The following RNF138 variants were observed in gnomAD, a reference collection of about 807,000 sequenced individuals.
RNF138 encodes the protein E3 ubiquitin-protein ligase RNF138.
A neutral mutation model predicts 31.0 loss-of-function variants in RNF138; 12 were observed. The observed-to-expected ratio is 0.39, with a 90% CI of 0.25 to 0.63. The LOEUF (loss-of-function observed/expected upper bound fraction) is 0.63. Ranked by LOEUF, RNF138 falls within the 20% of genes least tolerant of loss-of-function variation. The pLI is 0.52. For missense variants in RNF138, 192 were observed against 300.1 expected, an observed-to-expected ratio of 0.64 and a Z score of 2.66; for synonymous variants, 105 against 99.5, an observed-to-expected ratio of 1.06 and a Z score of -0.33.
Position 32,129,189 on chromosome 18 carries a change from G to A in RNF138, c.*2G>A, listed in dbSNP as rs776679074. 2.5e-6 allele frequency: 4 copies of A among 1,607,236 alleles called. No individual in the cohort carries two copies. The Admixed American group carries it at 5.0e-5, about 20-fold the overall frequency. The stretch of plus-strand genomic sequence containing the variant: ...GAATCTTTTCAAGTAAACATCTGAA[G>A]GCTGTAGACATCTCTGCATCTTTGT... On this transcript the variant is annotated 3_prime_UTR_variant, in exon 8 of 8. Coordinates refer to ENST00000261593, the MANE Select transcript of RNF138 (RefSeq NM_016271.5).
intron 2 of RNF138, among the ~76,000 whole-genome samples, chr18:32,094,274 C>T (rs1430707816): frequency 6.6e-6 from 1 of 151,682 alleles, no homozygotes; most frequent in African/African-American, 2.4e-5. Context: ...TTCTTAATTG[C>T]AAATGCCCTT....
intron 2 of RNF138, among the ~76,000 whole-genome samples, chr18:32,107,683 G>T (rs1178778087): frequency 6.6e-6 from 1 of 151,092 alleles, no homozygotes; most frequent in Non-Finnish European, 1.5e-5. Context: ...ACCATGCCTG[G>T]CTAATTTTTT....
At position 32,129,164 on chromosome 18, in the gene RNF138, G is replaced by C. The variant is rs771064744; in HGVS notation, c.715G>C (p.Glu239Gln). The C allele has an allele frequency of 3.1e-6, 5 of 1,612,188 alleles. No homozygotes were observed. The African/African-American group carries it at 5.3e-5, about 17-fold the overall frequency. Residue 239 changes from glutamate (E) to glutamine (Q), a missense_variant, in exon 8 of 8, where the codon GAA (glutamate) becomes CAA (glutamine). Physicochemically the swap from Glu to Gln is conservative, Grantham distance 29 (BLOSUM62 2). Around this residue, in one of 2 missense-constraint regions of RNF138, gnomAD observed 140 missense variants for 251.7 expected, o/e 0.56. Coordinates refer to ENST00000261593, the MANE Select transcript of RNF138 (RefSeq NM_016271.5). ...EETQYQTAVE[E>Q]SFQVNI is the part of the protein sequence containing the mutation. ...AACCCAATACCAAACTGCTGTTGAA[G>C]AATCTTTTCAAGTAAACATCTGAAG... is the stretch of plus-strand genomic sequence containing the variant.
chr18:32,110,197 T>G (rs146852116), intron 2 of RNF138, among the ~76,000 whole-genome samples: 2 of 152,290 alleles, frequency 1.3e-5, no homozygotes, highest in East Asian at 3.9e-4. Context: ...CTTGCTATGT[T>G]GCCCAGGCTG....
chr18:32,122,162 C>G (rs541650790), intron 4 of RNF138, among the ~76,000 whole-genome samples: 6 of 152,138 alleles, frequency 3.9e-5, no homozygotes, highest in African/African-American at 1.4e-4. Context: ...CCACTGTGCC[C>G]GGCCTGGGTT....
chr18:32,116,990 C>G (rs1160638458), intron 4 of RNF138, among the ~76,000 whole-genome samples: 2 of 152,190 alleles, frequency 1.3e-5, no homozygotes, highest in Non-Finnish European at 2.9e-5. Flanking sequence ...CAACATCGAC[C>G]TCCCAGGTTC....
chr18:32,110,884 C>G (rs2040116783), intron 2 of RNF138, among the ~76,000 whole-genome samples: 1 of 151,916 alleles, frequency 6.6e-6, no homozygotes, highest in Admixed American at 6.6e-5. Context: ...GGGTTCATGC[C>G]ATTCTCCTGC....
chr18:32,126,238 A>G (rs1226968993), intron 6 of RNF138, among the ~76,000 whole-genome samples: 1 of 152,240 alleles, frequency 6.6e-6, no homozygotes, highest in African/African-American at 2.4e-5. Flanking sequence ...TAGTTTTAAG[A>G]AAAGAAAAGA....
At chr18:32,112,759 A>G (rs1338579108) in intron 3 of RNF138, among the ~76,000 whole-genome samples, 1 of 152,216 alleles carries the variant, frequency 6.6e-6, no homozygotes, top group East Asian at 1.9e-4. Context: ...GGTGTTAACA[A>G]ATAACCAGCA....
intron 2 of RNF138, among the ~76,000 whole-genome samples, chr18:32,102,012 G>A (rs1385774851): frequency 1.3e-5 from 2 of 150,970 alleles, no homozygotes; most frequent in African/African-American, 2.4e-5. Flanking sequence ...AAGTAGCTGG[G>A]ACTACAGGCG....
intron 2 of RNF138, among the ~76,000 whole-genome samples, chr18:32,105,515 A>G (rs2040014373): frequency 6.6e-6 from 1 of 152,238 alleles, no homozygotes; most frequent in African/African-American, 2.4e-5. Flanking sequence ...GAATGAGGAA[A>G]AGGTGGCTTT....
intron 3 of RNF138, among the ~76,000 whole-genome samples, chr18:32,113,099 G>GTC (rs1328894170): frequency 1.3e-5 from 2 of 152,100 alleles, no homozygotes; most frequent in African/African-American, 4.8e-5. Context: ...TTGAGACAGG[G>GTC]TCTCACTTTG....
intron 6 of RNF138, among the ~76,000 whole-genome samples, chr18:32,126,183 T>C (rs2040380816): frequency 6.6e-6 from 1 of 152,170 alleles, no homozygotes; most frequent in African/African-American, 2.4e-5. Flanking sequence ...TTGCTTGAGC[T>C]CAGGAATTTG....
At chr18:32,125,430 T>C (rs1211922639) in intron 6 of RNF138, among the ~76,000 whole-genome samples, 1 of 152,184 alleles carries the variant, frequency 6.6e-6, no homozygotes, top group East Asian at 1.9e-4. Context: ...CAACATATAA[T>C]GATCCTAGAA....
In RNF138 at chr18:32,101,569, A is replaced by AT. The variant is rs202002141; in HGVS notation, c.110+8692dup. On this transcript the variant is annotated intron_variant, in intron 2 of 7. Coordinates refer to ENST00000261593, the MANE Select transcript of RNF138 (RefSeq NM_016271.5). ...TGAAGGAACTTATTAAGAAAAATTT[A>AT]TTTTTTTTTAAGAATTCAAGATCAT... Among the ~76,000 whole-genome samples, 1,424 of 151,420 alleles carry AT rather than the reference A, an allele frequency of 9.4e-3. 11 individuals carry two copies. The highest frequency in any genetic ancestry group is 0.013 in the Non-Finnish European group (890 of 67,796).
At chr18:32,101,209 G>A (rs2039932513) in intron 2 of RNF138, among the ~76,000 whole-genome samples, 1 of 149,114 alleles carries the variant, frequency 6.7e-6, no homozygotes, top group Non-Finnish European at 1.5e-5. Context: ...ACCTCTTATA[G>A]GTTTCTTTTT....
intron 2 of RNF138, among the ~76,000 whole-genome samples, chr18:32,094,042 C>G (rs1033470716): frequency 1.3e-5 from 2 of 152,120 alleles, no homozygotes; most frequent in Admixed American, 6.5e-5. Context: ...CCTCCCGCCT[C>G]GGCCTCCCAA....
At chr18:32,127,690 T>C (rs16962721) in intron 7 of RNF138, among the ~76,000 whole-genome samples, 260 of 152,332 alleles carry the variant, frequency 1.7e-3, no homozygotes, top group African/African-American at 5.7e-3. Context: ...TAAATTCTCA[T>C]TGTAAGAAAG....
At chr18:32,095,900 G>A (rs929426562) in intron 2 of RNF138, among the ~76,000 whole-genome samples, 5 of 152,202 alleles carry the variant, frequency 3.3e-5, no homozygotes, top group African/African-American at 1.2e-4. Context: ...GATTTTATGT[G>A]AGCATCTAGA....
Sources: allele counts gnomAD v4.1 joint callset (sites outside exome capture counted in the v4.1 genomes callset), GRCh38; gene constraint gnomAD v4.1.1; regional missense constraint gnomAD v4.1.1; transcripts MANE v1.5; gene names NCBI Gene and HGNC (gene_info 2026-07-23, HGNC 2026-07-21).